Variants in KLHL13 observed in about 807,000 individuals in gnomAD.
KLHL13 encodes kelch like family member 13.
KLHL13 carries 10 observed loss-of-function variants against 37.1 expected under a neutral mutation model. That is an observed-to-expected ratio of 0.27 (90% CI 0.17 to 0.46). KLHL13 has a LOEUF of 0.46. KLHL13 is among the 20% of genes least tolerant of loss of function. KLHL13 has a pLI of 1.00. For missense variants in KLHL13, 360 were observed against 509.3 expected (o/e 0.71, Z 2.82); for synonymous variants, 163 against 181.2 (o/e 0.90, Z 0.81).
intron 1 of KLHL13, among the ~76,000 whole-genome samples, chrX:118,083,831 A>C (rs1003804795): frequency 5.4e-5 from 6 of 111,934 alleles, no homozygotes; most frequent in Non-Finnish European, 1.1e-4. Context: ...ATTGTACCCC[A>C]TAAATACGAA....
At chrX:117,990,068 C>T (rs1450480059) in intron 1 of KLHL13, among the ~76,000 whole-genome samples, 3 of 111,498 alleles carry the variant, frequency 2.7e-5, no homozygotes, top group Non-Finnish European at 3.8e-5. Context: ...TGCCTAACTA[C>T]ACTTTTCTGA....
chrX:118,011,836 T>C (rs1291193105), intron 1 of KLHL13, among the ~76,000 whole-genome samples: 1 of 112,444 alleles, frequency 8.9e-6, no homozygotes, highest in Non-Finnish European at 1.9e-5. Context: ...ATTTATGAGA[T>C]CCAAAATATT....
At position 117,931,295 on chromosome X, in the gene KLHL13, C is replaced by T. The variant is rs965336789; in HGVS notation, c.241-10925G>A. Among the ~76,000 whole-genome samples, 6 of 111,896 alleles carry T rather than the reference C, an allele frequency of 5.4e-5. No homozygotes were observed. The East Asian group carries it at 8.4e-4, about 16-fold the overall frequency. On this transcript the variant is annotated intron_variant, in intron 2 of 6. Transcript: ENST00000262820. The stretch of plus-strand genomic sequence containing the variant: ...CTAGAGGCCCACATAGCCAGAGTAA[C>T]GAGGCATTTTCCACCTTTATAGGTT...
chrX:117,919,467 A>C, intron 4 of KLHL13, 54 bp downstream of exon 5: 1 of 994,646 alleles, frequency 1.0e-6, no homozygotes, highest in South Asian at 2.0e-5. Context: ...ATGAGTCCTA[A>C]ACAGGCTACA....
rs759145007 is a variant in KLHL13, at chrX:117,981,955, C to T, written c.-55-36380G>A. ...ACCATTACTGACAGTGTAAGATTGT[C>T]TCCTTTAACTTCACAAATGAAATCA... is the stretch of plus-strand genomic sequence containing the variant. On this transcript the variant is annotated intron_variant, in intron 1 of 6. Transcript: ENST00000371882. 2.7e-5 allele frequency among the ~76,000 whole-genome samples: 3 copies of T among 110,987 alleles called. No homozygotes were observed. In the East Asian group the frequency reaches 8.5e-4, roughly 31 times the overall value.
At chrX:118,109,311 C>T (rs1010779143) in intron 1 of KLHL13, among the ~76,000 whole-genome samples, 4 of 111,771 alleles carry the variant, frequency 3.6e-5, no homozygotes, top group African/African-American at 9.7e-5. Flanking sequence ...AACTTTCCCA[C>T]AGGTCATCAT....
intron 1 of KLHL13, among the ~76,000 whole-genome samples, chrX:117,954,208 T>G (rs757091399): frequency 1.8e-5 from 2 of 112,565 alleles, no homozygotes; most frequent in South Asian, 7.3e-4. Context: ...CTCCCTCTGC[T>G]TACCATATTT....
chrX:118,071,657 A>T (rs1464354949), intron 1 of KLHL13, among the ~76,000 whole-genome samples: 17 of 110,263 alleles, frequency 1.5e-4, no homozygotes, highest in African/African-American at 5.6e-4. Context: ...CAATGTACAA[A>T]AATCACAAGC....
intron 2 of KLHL13, among the ~76,000 whole-genome samples, chrX:117,937,989 C>T (rs1932856967): frequency 8.9e-6 from 1 of 112,132 alleles, no homozygotes; most frequent in African/African-American, 3.2e-5. Context: ...AATGGAATCA[C>T]ATAAAACATG....
chrX:118,039,432 T>C (rs778697469), intron 1 of KLHL13, among the ~76,000 whole-genome samples: 1 of 111,869 alleles, frequency 8.9e-6, no homozygotes, highest in South Asian at 3.8e-4. Flanking sequence ...TGAGTGAACA[T>C]CACTGGTAGC....
intron 1 of KLHL13, among the ~76,000 whole-genome samples, chrX:118,035,034 T>C (rs775667724): frequency 0.014 from 1,300 of 94,467 alleles, 12 homozygotes; most frequent in Non-Finnish European, 0.02. Context: ...CTCCCAAGAC[T>C]AAACCAGGAA....
At chrX:118,043,225 A>G (rs1053934725) in intron 1 of KLHL13, among the ~76,000 whole-genome samples, 3 of 111,698 alleles carry the variant, frequency 2.7e-5, no homozygotes, top group African/African-American at 9.7e-5. Flanking sequence ...ATAACAAGTA[A>G]TGAGATTGCA....
chrX:117,910,066 G>A, exon 5 of KLHL13: 1 of 1,182,472 alleles, frequency 8.5e-7, no homozygotes. Context: ...TTGGCAATCC[G>A]TCCAACTTCA....
At chrX:118,029,026 A>C (rs2054305962) in intron 1 of KLHL13, among the ~76,000 whole-genome samples, 1 of 111,590 alleles carries the variant, frequency 9.0e-6, no homozygotes, top group Non-Finnish European at 1.9e-5. Context: ...AGTTATCAAA[A>C]AAACATAGTA....
intron 1 of KLHL13, among the ~76,000 whole-genome samples, chrX:117,987,267 A>G (rs1427333499): frequency 9.0e-6 from 1 of 111,545 alleles, no homozygotes; most frequent in Non-Finnish European, 1.9e-5. Flanking sequence ...ATTCACCCAA[A>G]GATCCATATA....
rs113607727 is a variant in KLHL13, at chrX:117,988,881, C to A, written c.-55-43306G>T. ...ATAGGTATGAATTATTCAAGATTGA[C>A]TACGAAATATACCAACTTATATTTT... On this transcript the variant is annotated intron_variant, in intron 1 of 6. Transcript: ENST00000371882. Among the ~76,000 whole-genome samples the A allele has an allele frequency of 5.6e-3, 631 of 111,722 alleles. 9 individuals carry two copies. The highest frequency in any genetic ancestry group is 0.019 in the African/African-American group (594 of 30,852).
chrX:117,928,727 T>C (rs747771981), intron 2 of KLHL13, among the ~76,000 whole-genome samples: 10 of 111,714 alleles, frequency 9.0e-5, no homozygotes, highest in Non-Finnish European at 1.9e-4. Context: ...TCAATGACTA[T>C]ATTAAAAAAG....
upstream of KLHL13, among the ~76,000 whole-genome samples, chrX:117,974,972 T>C (rs2053579515): frequency 9.0e-6 from 1 of 111,535 alleles, no homozygotes; most frequent in South Asian, 3.7e-4. Flanking sequence ...GTCAAATGAG[T>C]CAGAGAAAGG....
chrX:118,058,021 C>T lies in KLHL13; in HGVS notation c.-56+58487G>A, dbSNP rs925969965. ...AAAGAGAAAGACAGGCACTGGTACA[C>T]GTTTTCTAGGCTTTTTAGAAAACAT... is the stretch of plus-strand genomic sequence containing the variant. On this transcript the variant is annotated intron_variant, in intron 1 of 6. Coordinates refer to the KLHL13 transcript ENST00000371882. 1.1e-4 allele frequency among the ~76,000 whole-genome samples: 12 copies of T among 111,334 alleles called. No individual in the cohort carries two copies. In the East Asian group the frequency reaches 1.4e-3, roughly 13 times the overall value.
Sources: allele counts gnomAD v4.1 joint callset (sites outside exome capture counted in the v4.1 genomes callset), GRCh38; gene constraint gnomAD v4.1.1; transcripts MANE v1.5; gene names NCBI Gene and HGNC (gene_info 2026-07-23, HGNC 2026-07-21).